COL27A1: variants seen among roughly 807,000 people sequenced by gnomAD.
COL27A1 encodes the protein collagen alpha-1(XXVII) chain.
In COL27A1, 106 loss-of-function variants were observed where a neutral mutation model predicts 251.3. The observed-to-expected ratio is 0.42, with a 90% confidence interval of 0.36 to 0.50. COL27A1 has a LOEUF of 0.50. COL27A1 is among the 20% of genes least tolerant of loss of function. The pLI is 0.00. For missense variants in COL27A1, 2,325 were observed against 2,522.8 expected (o/e 0.92, Z 1.68); for synonymous variants, 1,000 against 986.3 (o/e 1.01, Z -0.26).
chr9:114,183,290 G>A (rs954769801), intron 5 of COL27A1, among the ~76,000 whole-genome samples: 3 of 152,202 alleles, frequency 2.0e-5, no homozygotes, highest in African/African-American at 7.2e-5. Flanking sequence ...TGGGAGAGTC[G>A]GGCAGTTGGA....
At chr9:114,263,713 C>T (rs147399597) in intron 28 of COL27A1, among the ~76,000 whole-genome samples, 7 of 152,308 alleles carry the variant, frequency 4.6e-5, no homozygotes, top group Non-Finnish European at 8.8e-5. Context: ...GACCAAGACT[C>T]CTGTGTCAGG....
At chr9:114,256,429 C>T (rs1833925452) in intron 27 of COL27A1, among the ~76,000 whole-genome samples, 4 of 152,156 alleles carry the variant, frequency 2.6e-5, no homozygotes, top group Non-Finnish European at 1.5e-5. Flanking sequence ...GGAGGCGGAG[C>T]TTGCAGTGAG....
chr9:114,175,940 A>G (rs1194462813), intron 3 of COL27A1, among the ~76,000 whole-genome samples: 2 of 152,242 alleles, frequency 1.3e-5, no homozygotes, highest in African/African-American at 4.8e-5. Context: ...TGCCAGTGCC[A>G]GGAAGTTTCC....
intron 16 of COL27A1, 35 bp downstream of exon 16, chr9:114,231,901 C>T (rs1238035755): frequency 1.2e-5 from 20 of 1,603,908 alleles, no homozygotes; most frequent in Non-Finnish European, 1.7e-5. Context: ...ACTGTGGTTT[C>T]TCTGCATGCC....
chr9:114,269,229 G>A lies in COL27A1; in HGVS notation c.3502-12G>A. On this transcript the variant is annotated splice_polypyrimidine_tract_variant and intron_variant, in intron 34 of 60. Transcript: ENST00000356083. ...TACCCACCCGCAAGGACTTTTGTTC[G>A]GCTTCTCCTAGGGTGACCTTGGACC... 6 of 1,576,742 alleles carry A rather than the reference G, an allele frequency of 3.8e-6. No individual in the cohort carries two copies. Among genetic ancestry groups the A allele is most frequent in the Non-Finnish European group, 2.6e-6 (3 of 1,158,360 alleles).
intron 19 of COL27A1, among the ~76,000 whole-genome samples, 170 bp from the exon 20 acceptor site, chr9:114,240,050 C>A (rs375728676): frequency 6.6e-6 from 1 of 152,218 alleles, no homozygotes; most frequent in Admixed American, 6.5e-5. Flanking sequence ...TGGAACCATG[C>A]ACCCTGTTTT....
intron 7 of COL27A1, among the ~76,000 whole-genome samples, chr9:114,198,423 C>G (rs143210609): frequency 2.0e-5 from 3 of 152,096 alleles, no homozygotes; most frequent in East Asian, 1.9e-4. Context: ...GCAGTGGCTC[C>G]CAGCTGGGGA....
intron 55 of COL27A1, 141 bp from the exon 56 acceptor site, chr9:114,301,941 G>C: frequency 1.0e-6 from 1 of 981,226 alleles, no homozygotes; most frequent in Admixed American, 1.9e-5. Context: ...CAGCCCACTG[G>C]GGCCCACCAA....
chr9:114,195,936 C>A (rs2567711), intron 6 of COL27A1, 23 bp from the exon 7 acceptor site: 1 of 1,597,634 alleles, frequency 6.3e-7, no homozygotes, highest in South Asian at 1.1e-5. Flanking sequence ...TCCTGCCTCA[C>A]CCACCTTGTC....
chr9:114,162,059 A>G (rs1172410963), intron 1 of COL27A1, among the ~76,000 whole-genome samples: 1 of 152,234 alleles, frequency 6.6e-6, no homozygotes, highest in Non-Finnish European at 1.5e-5. Context: ...TGACAAGGCC[A>G]GGTTTGCACG....
chr9:114,241,451 G>C (rs1167660341), intron 21 of COL27A1, among the ~76,000 whole-genome samples: 1 of 152,212 alleles, frequency 6.6e-6, no homozygotes, highest in Non-Finnish European at 1.5e-5. Flanking sequence ...TCTGGAGGGA[G>C]CCCCTTGGTC....
chr9:114,279,116 C>T (rs1835751704), intron 37 of COL27A1, among the ~76,000 whole-genome samples: 1 of 152,180 alleles, frequency 6.6e-6, no homozygotes, highest in African/African-American at 2.4e-5. Flanking sequence ...CAGCCATTGC[C>T]GCCACCTCAG....
rs199853840 is a variant in COL27A1, at chr9:114,282,413, G to A, written c.3772-44G>A. 2.9e-4 allele frequency: 466 copies of A among 1,604,292 alleles called. 3 individuals carry two copies. In the African/African-American group the frequency reaches 5.1e-3, roughly 17 times the overall value. The stretch of plus-strand genomic sequence containing the variant: ...CATCCCTCCCCTCCCTGGACCCTCC[G>A]TCCTGTTGGGCCTGGTGACAGCTTG... On this transcript the variant is annotated intron_variant, in intron 38 of 60. Coordinates refer to ENST00000356083, the MANE Select transcript of COL27A1 (RefSeq NM_032888.4).
intron 2 of COL27A1, among the ~76,000 whole-genome samples, chr9:114,163,490 C>T (rs1173723145): frequency 6.6e-6 from 1 of 152,210 alleles, no homozygotes; most frequent in Non-Finnish European, 1.5e-5. Flanking sequence ...CCTACTTTTC[C>T]CTGCTATCCC....
chr9:114,225,811 G>A (rs1831431624), intron 14 of COL27A1, among the ~76,000 whole-genome samples: 1 of 152,212 alleles, frequency 6.6e-6, no homozygotes. Context: ...CGTCCCCCGG[G>A]TCCCTGCAGC....
At position 114,289,881 on chromosome 9, in the gene COL27A1, C is replaced by G. The variant is rs1274758610; in HGVS notation, c.4207-177C>G. Among the ~76,000 whole-genome samples, 9 of 152,320 alleles carry G rather than the reference C, an allele frequency of 5.9e-5. 1 individual carries two copies. In the East Asian group the frequency reaches 1.5e-3, roughly 26 times the overall value. ...GCCCAGAGCAGGCTCAGTGACAGCC[C>G]CAGGAGGTTCCAAGGCCAGCTCTGG... On this transcript the variant is annotated intron_variant, in intron 45 of 60. Transcript: ENST00000356083.
intron 5 of COL27A1, among the ~76,000 whole-genome samples, chr9:114,191,679 A>G (rs1237858172): frequency 6.6e-6 from 1 of 152,216 alleles, no homozygotes; most frequent in Non-Finnish European, 1.5e-5. Flanking sequence ...ATGCGCATTT[A>G]GGTTGATTCC....
intron 50 of COL27A1, 127 bp downstream of exon 50, chr9:114,300,250 A>G (rs1828526052): frequency 7.6e-6 from 7 of 916,110 alleles, no homozygotes; most frequent in Non-Finnish European, 1.2e-5. Flanking sequence ...AGAATCAGGC[A>G]TGAACACCCT....
intron 24 of COL27A1, among the ~76,000 whole-genome samples, chr9:114,247,657 C>T (rs1196355682): frequency 6.6e-6 from 1 of 152,218 alleles, no homozygotes; most frequent in Non-Finnish European, 1.5e-5. Flanking sequence ...GCTGCCCAGG[C>T]AGCTTGGACA....
Sources: gnomAD v4.1 joint callset for allele counts (sites outside exome capture counted in the v4.1 genomes callset) on GRCh38, gnomAD v4.1.1 for gene constraint, MANE v1.5 for transcripts, NCBI Gene and HGNC (gene_info 2026-07-23, HGNC 2026-07-21) for gene names.